The following TRMT44 variants were observed in gnomAD, a reference collection of about 807,000 sequenced individuals.
The protein encoded by TRMT44 is probable tRNA (uracil-O(2)-)-methyltransferase.
A neutral mutation model predicts 77.3 loss-of-function variants in TRMT44; 78 were observed. That is an observed-to-expected ratio of 1.01 (90% CI 0.84 to 1.22). The LOEUF (loss-of-function observed/expected upper bound fraction) is 1.22. Among genes scored for constraint, TRMT44 ranks in the 50% most tolerant of loss-of-function variants. The pLI is 0.00. For synonymous variants in TRMT44, 391 were observed against 383.3 expected (o/e 1.02, Z -0.23); for missense variants, 1,090 against 964.4 (o/e 1.13, Z -1.73).
chr4:8,491,756 G>A lies in TRMT44; in HGVS notation n.3892-1510G>A, dbSNP rs564455463. ...CCGGAACTCCAGCTGGCCCCCAAGCGCTGCACGCAGCCCCGGTTCCCGCTC... is the reference window on the plus strand; with the variant it reads ...CCGGAACTCCAGCTGGCCCCCAAGCACTGCACGCAGCCCCGGTTCCCGCTC... On this transcript the variant is annotated intron_variant and non_coding_transcript_variant, in intron 2 of 2. Coordinates refer to the TRMT44 transcript ENST00000511366. 1.5e-3 allele frequency among the ~76,000 whole-genome samples: 229 copies of A among 152,302 alleles called. 1 individual carries two copies. The highest frequency in any genetic ancestry group is 2.6e-3 in the Non-Finnish European group (179 of 68,018).
chr4:8,482,258 C>G (rs115501968), intron 2 of TRMT44: 2 of 152,286 alleles, frequency 1.3e-5, no homozygotes, highest in African/African-American at 4.8e-5. Flanking sequence ...AGTTGTTTGC[C>G]GTCCTAGCCA....
At chr4:8,482,859 A>G (rs2450475) in intron 2 of TRMT44, among the ~76,000 whole-genome samples, 63 of 148,410 alleles carry the variant, frequency 4.2e-4, no homozygotes, top group Non-Finnish European at 7.3e-4. Flanking sequence ...CCTTCTTATA[A>G]TAATAAGAAA....
chr4:8,481,530 G>A (rs561151993), downstream of TRMT44, among the ~76,000 whole-genome samples: 4 of 152,172 alleles, frequency 2.6e-5, no homozygotes, highest in Non-Finnish European at 5.9e-5. Context: ...CATTCCTGGT[G>A]GGTTGGGGTA....
Position 8,460,148 on chromosome 4 carries a change from G to GA in TRMT44, c.1204-3831dup, listed in dbSNP as rs568517038. 1.0e-3 allele frequency among the ~76,000 whole-genome samples: 155 copies of GA among 152,248 alleles called. 5 individuals are homozygous for GA. The South Asian group carries it at 0.031, about 31-fold the overall frequency. On this transcript the variant is annotated intron_variant, in intron 6 of 10. Transcript: ENST00000389737. Reference sequence around the variant, plus strand: ...GACAGAGAAAATGACTCCCTAATGGGAAAAAAGTCATGAGTAGCCCTCAGG... The same window carrying GA: ...GACAGAGAAAATGACTCCCTAATGGGAAAAAAAGTCATGAGTAGCCCTCAGG...
chr4:8,468,167 G>A lies in TRMT44; in HGVS notation c.1748G>A (p.Gly583Glu). 6.2e-7 allele frequency: 1 copy of A among 1,614,128 alleles called. No individual in the cohort carries two copies. The highest frequency in any genetic ancestry group is 8.5e-7 in the Non-Finnish European group (1 of 1,180,040). Reference sequence around the variant, plus strand: ...CATGGAGCAGGGCCCCAGGCTGAAGGACCCTGGCTACCTGGATTTCATCCC... The same window carrying A: ...CATGGAGCAGGGCCCCAGGCTGAAGAACCCTGGCTACCTGGATTTCATCCC... ...AEHGAGPQAE[G>E]PWLPGFHPRE... The change falls in exon 9 of 11, where the codon GGA becomes GAA. Residue 583 changes from glycine to glutamate, a missense_variant. Coordinates refer to ENST00000389737, the MANE Select transcript of TRMT44 (RefSeq NM_152544.3).
chr4:8,478,707 CGAGGGAATGCCATGAAGGTGGGCAT>C (rs944610826), downstream of TRMT44: 1 of 152,228 alleles, frequency 6.6e-6, no homozygotes, highest in Non-Finnish European at 1.5e-5. Flanking sequence ...CAGGTGGGAT[CGAGGGAATGCCATGAAGGTGGGCAT>C]GAGGGGGAAT....
At chr4:8,473,232 C>G (rs898363855) in intron 10 of TRMT44, 10 of 152,334 alleles carry the variant, frequency 6.6e-5, no homozygotes, top group African/African-American at 2.2e-4. Context: ...ATGAGGGCCA[C>G]AAGGGCCAGC....
chr4:8,494,737 C>G (rs1343714939), downstream of TRMT44, among the ~76,000 whole-genome samples: 1 of 152,070 alleles, frequency 6.6e-6, no homozygotes, highest in Non-Finnish European at 1.5e-5. Flanking sequence ...AATAAACTTT[C>G]TAAATTGGTT....
At chr4:8,493,722 T>C (rs1728079104), downstream of TRMT44, among the ~76,000 whole-genome samples, 1 of 152,012 alleles carries the variant, frequency 6.6e-6, no homozygotes, top group Non-Finnish European at 1.5e-5. Flanking sequence ...GCGGATCCTT[T>C]TGGCCTCCAC....
At chr4:8,470,044 A>G (rs907723898) in intron 9 of TRMT44, among the ~76,000 whole-genome samples, 2 of 152,272 alleles carry the variant, frequency 1.3e-5, no homozygotes, top group Non-Finnish European at 2.9e-5. Flanking sequence ...GAGGCCGGAT[A>G]TGCCAGGCCA....
intron 3 of TRMT44, 47 bp downstream of exon 3, chr4:8,449,935 TTTTC>T: frequency 1.5e-6 from 1 of 680,144 alleles, no homozygotes; most frequent in Admixed American, 4.5e-5. Flanking sequence ...CATGATTTTC[TTTTC>T]TTTTCTTTTC....
intron 6 of TRMT44, among the ~76,000 whole-genome samples, chr4:8,463,023 G>A (rs1483472742): frequency 1.3e-5 from 2 of 152,188 alleles, no homozygotes; most frequent in East Asian, 3.8e-4. Flanking sequence ...ACCAGAGAGA[G>A]ACAGAATTTC....
At chr4:8,488,814 C>G (rs1352162436) in intron 2 of TRMT44, among the ~76,000 whole-genome samples, 2 of 152,298 alleles carry the variant, frequency 1.3e-5, no homozygotes, top group South Asian at 2.1e-4. Flanking sequence ...ATAGCCCAGG[C>G]AAAGGACCTC....
At chr4:8,502,776 A>T in the TRMT44 span, among the ~76,000 whole-genome samples, 1 of 152,180 alleles carries the variant, frequency 6.6e-6, no homozygotes, top group Admixed American at 6.5e-5. Flanking sequence ...GGTGGATGCT[A>T]TTGGTGAGAC....
chr4:8,498,585 A>G, the TRMT44 span, among the ~76,000 whole-genome samples: 2 of 152,154 alleles, frequency 1.3e-5, no homozygotes, highest in Non-Finnish European at 2.9e-5. The surrounding 1 kb of genome is among the most constrained non-coding windows in gnomAD (Gnocchi z 4.3). Context: ...TATGGAAAGG[A>G]TGATGCCTCC....
intron 6 of TRMT44, among the ~76,000 whole-genome samples, chr4:8,455,839 A>T (rs1417566229): frequency 1.3e-5 from 2 of 152,188 alleles, no homozygotes; most frequent in Non-Finnish European, 2.9e-5. Context: ...TTTTATACAG[A>T]TTTTTTTCAA....
chr4:8,493,274 T>C (rs1457623132), exon 3 of TRMT44: 1 of 152,160 alleles, frequency 6.6e-6, no homozygotes, highest in Non-Finnish European at 1.5e-5. Context: ...AGACCCTGTA[T>C]TCAGTGGATC....
At chr4:8,513,464 T>G in the TRMT44 span, among the ~76,000 whole-genome samples, 2 of 152,324 alleles carry the variant, frequency 1.3e-5, no homozygotes, top group East Asian at 3.9e-4. Flanking sequence ...AAGGTGAGAT[T>G]TGGATGAGGA....
In TRMT44 at chr4:8,451,910, T is replaced by C. The variant is rs1380515971; in HGVS notation, c.955-50T>C. 5.4e-6 allele frequency: 8 copies of C among 1,477,292 alleles called. No individual in the cohort carries two copies. In the South Asian group the frequency reaches 9.7e-5, roughly 18 times the overall value. The allele number at this position is 1,477,292 out of a possible 1,614,324, so 91.5% of individuals were successfully genotyped here. ...TAGGGATACTTAAAGTATTGGGAAATGGTGGTGGGGAAACCGAACAATTTA... is the reference window on the plus strand; with the variant it reads ...TAGGGATACTTAAAGTATTGGGAAACGGTGGTGGGGAAACCGAACAATTTA... On this transcript the variant is annotated intron_variant, in intron 3 of 10. Transcript: ENST00000389737. The surrounding 1 kb of genome is among the most constrained non-coding windows in gnomAD (Gnocchi z 4.1).
Sources: gnomAD v4.1 joint callset for allele counts (sites outside exome capture counted in the v4.1 genomes callset) on GRCh38, gnomAD v4.1.1 for gene constraint, Gnocchi (gnomAD v3.1) non-coding constraint, MANE v1.5 for transcripts, NCBI Gene and HGNC (gene_info 2026-07-23, HGNC 2026-07-21) for gene names.